The following AP2B1 variants were observed in gnomAD, a reference collection of about 807,000 sequenced individuals.
AP2B1 encodes AP-2 complex subunit beta.
A neutral mutation model predicts 102.0 loss-of-function variants in AP2B1; 23 were observed. The observed-to-expected ratio is 0.23, with a 90% CI of 0.16 to 0.32. The LOEUF (loss-of-function observed/expected upper bound fraction) is 0.32, where lower values mean the gene tolerates loss of function less well. AP2B1 is among the 10% of genes least tolerant of loss of function. AP2B1 has a pLI of 1.00. For missense variants in AP2B1, 541 were observed against 1,157.4 expected (o/e 0.47, Z 7.73); for synonymous variants, 381 against 421.2 (o/e 0.90, Z 1.17).
At chr17:35,640,842 G>C (rs1417417523) in intron 11 of AP2B1, among the ~76,000 whole-genome samples, 1 of 152,146 alleles carries the variant, frequency 6.6e-6, no homozygotes, top group East Asian at 1.9e-4. Context: ...TGTTAGTAAT[G>C]GCTGTGGCTC....
chr17:35,722,786 G>A (rs1407894842), intron 21 of AP2B1, among the ~76,000 whole-genome samples: 2 of 152,046 alleles, frequency 1.3e-5, no homozygotes, highest in African/African-American at 4.8e-5. Context: ...TCTAGAGTGC[G>A]TTTTGCATGC....
chr17:35,691,092 T>C (rs1373331003), intron 18 of AP2B1, among the ~76,000 whole-genome samples: 1 of 152,210 alleles, frequency 6.6e-6, no homozygotes, highest in East Asian at 1.9e-4. Context: ...TGTCTCTTTT[T>C]TTTTTCTTTG....
At chr17:35,706,702 A>C (rs956122891) in intron 18 of AP2B1, among the ~76,000 whole-genome samples, 11 of 151,708 alleles carry the variant, frequency 7.3e-5, no homozygotes, top group Middle Eastern at 3.4e-3. Context: ...GTGCAATGGC[A>C]CAATCTCGGC....
At chr17:35,627,245 C>CTGT in intron 7 of AP2B1, 140 bp from the exon 8 acceptor site, 1 of 177,786 alleles carries the variant, frequency 5.6e-6, no homozygotes, top group East Asian at 1.3e-4. Context: ...GAAGTTTATG[C>CTGT]TTTTTTTTTT....
At chr17:35,595,506 C>G (rs553481772) in intron 2 of AP2B1, among the ~76,000 whole-genome samples, 1 of 151,888 alleles carries the variant, frequency 6.6e-6, no homozygotes, top group Non-Finnish European at 1.5e-5. Context: ...GTGATTGTGC[C>G]GCTGTACCCC....
chr17:35,589,494 TTTC>T (rs1296266686), intron 1 of AP2B1, among the ~76,000 whole-genome samples: 1 of 152,250 alleles, frequency 6.6e-6, no homozygotes, highest in Non-Finnish European at 1.5e-5. Context: ...TGCTGCTCAG[TTTC>T]TCTTTTGGGG....
intron 12 of AP2B1, 48 bp from the exon 13 acceptor site, chr17:35,650,482 A>G (rs745919372): frequency 1.6e-5 from 26 of 1,594,514 alleles, no homozygotes; most frequent in South Asian, 2.3e-5. Context: ...GGGTTTCTGT[A>G]TGGAGAACAG....
intron 10 of AP2B1, among the ~76,000 whole-genome samples, chr17:35,637,690 AT>A (rs11398346): frequency 0.025 from 3,621 of 145,488 alleles, 126 homozygotes; most frequent in East Asian, 0.19. Flanking sequence ...CGGTTTCTAA[AT>A]TTTTTTTTTT....
intron 11 of AP2B1, 79 bp from the exon 12 acceptor site, chr17:35,641,798 G>GA: frequency 6.5e-6 from 7 of 1,082,540 alleles, no homozygotes; most frequent in Non-Finnish European, 9.4e-6. Flanking sequence ...CATAGTTGGG[G>GA]AAACACCACT....
chr17:35,675,773 A>G (rs1567961792), intron 17 of AP2B1, among the ~76,000 whole-genome samples: 1 of 151,552 alleles, frequency 6.6e-6, no homozygotes, highest in African/African-American at 2.4e-5. Context: ...GGGGTTTTCA[A>G]TTATTCATTT....
At chr17:35,610,340 G>A (rs1261459942) in intron 5 of AP2B1, among the ~76,000 whole-genome samples, 1 of 151,906 alleles carries the variant, frequency 6.6e-6, no homozygotes, top group Admixed American at 6.6e-5. Flanking sequence ...TAGAGACGAC[G>A]TTGCACCATG....
At chr17:35,704,073 C>T (rs982114564) in intron 18 of AP2B1, among the ~76,000 whole-genome samples, 1 of 152,126 alleles carries the variant, frequency 6.6e-6, no homozygotes. Context: ...TCCTGTCTCC[C>T]TCCAACAACA....
chr17:35,656,629 C>T (rs925164898), intron 13 of AP2B1, among the ~76,000 whole-genome samples: 1 of 152,136 alleles, frequency 6.6e-6, no homozygotes, highest in Non-Finnish European at 1.5e-5. Context: ...GGTGCGGTGG[C>T]TCACGCCTGT....
chr17:35,654,748 T>G (rs2075175094), intron 13 of AP2B1, among the ~76,000 whole-genome samples: 2 of 152,188 alleles, frequency 1.3e-5, no homozygotes, highest in African/African-American at 4.8e-5. Flanking sequence ...GCTTTACTTT[T>G]TCCTTAAATG....
intron 4 of AP2B1, chr17:35,607,931 A>G (rs867517318): frequency 1.7e-6 from 1 of 592,650 alleles, no homozygotes; most frequent in Non-Finnish European, 2.9e-6. Context: ...TTTTGTATTT[A>G]AAACAGTTAA....
chr17:35,600,424 C>CA (rs959333451), intron 3 of AP2B1, among the ~76,000 whole-genome samples: 345 of 130,552 alleles, frequency 2.6e-3, no homozygotes, highest in South Asian at 0.024. Flanking sequence ...CTAGTTATAA[C>CA]AAAAAAAAAA....
Position 35,717,239 on chromosome 17 carries a change from G to A in AP2B1, c.2671G>A (p.Ala891Thr). Residue 891 changes from alanine (A) to threonine (T), a missense_variant, in exon 21 of 22, where the codon GCC becomes ACC. Physicochemically the swap from Ala to Thr is moderately conservative, Grantham distance 58. Around this residue, in one of 10 missense-constraint regions of AP2B1, gnomAD observed 117 missense variants for 206.7 expected, o/e 0.57. Coordinates refer to ENST00000610402, the MANE Select transcript of AP2B1 (RefSeq NM_001030006.2). ...GCAAAACAACAATGTTTATACTATT[G>A]CCAAGAGGAATGTGGAAGGGCAGGA... ...KLQNNNVYTIAKRNVEGQDML... is the reference protein window; with the variant it reads ...KLQNNNVYTITKRNVEGQDML... 1 of 1,614,124 alleles carries A rather than the reference G, an allele frequency of 6.2e-7. No homozygotes were observed. Among genetic ancestry groups the A allele is most frequent in the Non-Finnish European group, 8.5e-7 (1 of 1,179,984 alleles).
intron 4 of AP2B1, among the ~76,000 whole-genome samples, chr17:35,606,443 T>C (rs1386524598): frequency 6.6e-6 from 1 of 152,070 alleles, no homozygotes; most frequent in Non-Finnish European, 1.5e-5. Context: ...TTTCACCATG[T>C]TGGTCAGGCT....
intron 20 of AP2B1, among the ~76,000 whole-genome samples, chr17:35,713,094 G>A (rs1465743699): frequency 2.6e-5 from 4 of 152,148 alleles, no homozygotes; most frequent in African/African-American, 4.8e-5. Context: ...ATTGCACCTC[G>A]GCATGTTTTT....
Sources: allele counts gnomAD v4.1 joint callset (sites outside exome capture counted in the v4.1 genomes callset), GRCh38; gene constraint gnomAD v4.1.1; regional missense constraint gnomAD v4.1.1; transcripts MANE v1.5; gene names NCBI Gene and HGNC (gene_info 2026-07-23, HGNC 2026-07-21).